The following MEIOB variants were observed in gnomAD, a reference collection of about 807,000 sequenced individuals.
The protein encoded by MEIOB is meiosis-specific with OB domain-containing protein.
Under a neutral mutation model 53.1 loss-of-function variants are expected in MEIOB, and 50 were observed. The ratio of observed to expected loss-of-function variants is 0.94; its 90% confidence interval spans 0.75 to 1.19. The LOEUF is 1.19. MEIOB is among the 50% of genes most tolerant of loss of function. MEIOB has a pLI of 0.00. For missense variants in MEIOB, 551 were observed against 550.8 expected (o/e 1.00, Z 0.00); for synonymous variants, 192 against 182.5 (o/e 1.05, Z -0.42).
At chr16:1,868,485 A>G (rs1011086872) in intron 1 of MEIOB, among the ~76,000 whole-genome samples, 6 of 152,086 alleles carry the variant, frequency 3.9e-5, no homozygotes, top group Non-Finnish European at 7.4e-5. Flanking sequence ...CCGAGATCGC[A>G]CTACTGCACT....
rs775787759 is a variant in MEIOB, at chr16:1,853,100, G to C, written c.717C>G (p.Asp239Glu). The change falls in exon 9 of 14, where the codon GAC (aspartate) becomes GAG (glutamate). Residue 239 changes from aspartate to glutamate, a missense_variant. Asp to Glu is a conservative substitution (Grantham distance 45). Coordinates refer to ENST00000325962, the MANE Select transcript of MEIOB (RefSeq NM_001163560.3). ...IFASDVRINF[D>E]KFRNCMTATV... ...TTGCTGTCATGCAGTTCCGAAATTT[G>C]TCAAAATTTATTCTTACATCTGAGG... 2 of 1,612,752 alleles carry C rather than the reference G, an allele frequency of 1.2e-6. No homozygotes were observed. The highest frequency in any genetic ancestry group is 2.2e-5 in the East Asian group (1 of 44,826).
At chr16:1,869,325 A>G in intron 1 of MEIOB, among the ~76,000 whole-genome samples, 1 of 151,146 alleles carries the variant, frequency 6.6e-6, no homozygotes, top group Non-Finnish European at 1.5e-5. Context: ...AGGTTTCACC[A>G]TGTTGGCCAG....
chr16:1,868,448 A>C (rs1899649574), intron 1 of MEIOB, among the ~76,000 whole-genome samples: 1 of 152,118 alleles, frequency 6.6e-6, no homozygotes, highest in African/African-American at 2.4e-5. Context: ...GAAGTGCTTG[A>C]ACCTGGGAGG....
chr16:1,844,717 G>T, intron 10 of MEIOB, 145 bp downstream of exon 10: 1 of 515,576 alleles, frequency 1.9e-6, no homozygotes, highest in Admixed American at 3.8e-5. Flanking sequence ...AGAAAAAGAT[G>T]CCCACTATTT....
intron 1 of MEIOB, among the ~76,000 whole-genome samples, chr16:1,869,894 C>T (rs1329345209): frequency 7.0e-4 from 12 of 17,114 alleles, no homozygotes; most frequent in South Asian, 1.5e-3. Context: ...TTTTTTGAGA[C>T]GGAGTCTCGC....
chr16:1,856,250 G>A (rs1041868496), intron 6 of MEIOB, among the ~76,000 whole-genome samples: 2 of 151,338 alleles, frequency 1.3e-5, no homozygotes, highest in African/African-American at 4.9e-5. Context: ...CCACCTTCCA[G>A]GTTCAAGTGA....
At chr16:1,851,914 T>C (rs556285420) in intron 9 of MEIOB, among the ~76,000 whole-genome samples, 3 of 152,304 alleles carry the variant, frequency 2.0e-5, no homozygotes, top group Admixed American at 6.5e-5. Context: ...TTGACGGTTA[T>C]GTCTGCACTA....
chr16:1,846,850 T>C (rs1206131879), intron 9 of MEIOB, among the ~76,000 whole-genome samples: 1 of 152,030 alleles, frequency 6.6e-6, no homozygotes, highest in Non-Finnish European at 1.5e-5. Flanking sequence ...AGCTAATGCA[T>C]GTGGGGCTTA....
In MEIOB at chr16:1,841,934, T is replaced by C; in HGVS notation, c.920A>G (p.Lys307Arg). The C allele has an allele frequency of 6.2e-7, 1 of 1,608,206 alleles. No homozygotes were observed. Among genetic ancestry groups the C allele is most frequent in the Admixed American group, 1.7e-5 (1 of 59,380 alleles). The change falls in exon 11 of 14, where the codon AAG becomes AGG. Residue 307 changes from lysine (K) to arginine (R), a missense_variant. Coordinates refer to ENST00000325962, the MANE Select transcript of MEIOB (RefSeq NM_001163560.3). ...TCCTTCATTCTTCAAAGCTTTTCCC[T>C]TTAATTGTTCAACTGTGTAGACATC... is the stretch of plus-strand genomic sequence containing the variant. ...IVDVYTVEQL[K>R]GKALKNEGKA...
At chr16:1,865,476 CACACACGTGTACACACAT>C (rs1567281907) in intron 3 of MEIOB, among the ~76,000 whole-genome samples, 631 of 6,748 alleles carry the variant, frequency 0.094, 5 homozygotes, top group African/African-American at 0.2. Flanking sequence ...TACATATATA[CACACACGTGTACACACAT>C]ACACACACAT....
chr16:1,854,957 C>T (rs1899263868), intron 6 of MEIOB, among the ~76,000 whole-genome samples: 1 of 152,134 alleles, frequency 6.6e-6, no homozygotes, highest in South Asian at 2.1e-4. Context: ...AGTCACTGGC[C>T]ACCCCCACCT....
chr16:1,855,981 A>G (rs904895083), intron 6 of MEIOB, among the ~76,000 whole-genome samples: 5 of 145,728 alleles, frequency 3.4e-5, no homozygotes, highest in Admixed American at 6.8e-5. Context: ...ATATTAAGAA[A>G]TTACTCTTGC....
chr16:1,837,886 A>G lies in MEIOB; in HGVS notation c.1219-16T>C, dbSNP rs900568344. 8.8e-6 allele frequency: 13 copies of G among 1,469,478 alleles called. No homozygotes were observed. The highest frequency in any genetic ancestry group is 1.2e-5 in the Non-Finnish European group (13 of 1,100,556). The allele number at this position is 1,469,478 out of a possible 1,614,324, so 91.0% of individuals were successfully genotyped here. On this transcript the variant is annotated splice_polypyrimidine_tract_variant and intron_variant, in intron 12 of 13. Coordinates refer to ENST00000325962, the MANE Select transcript of MEIOB (RefSeq NM_001163560.3). ...ACTCATGTACCTGGTTAAAAAAAAA[A>G]TATGAGACAAATATATTTGAAGTTT...
intron 9 of MEIOB, 88 bp downstream of exon 9, chr16:1,852,951 T>G: frequency 2.4e-6 from 2 of 829,498 alleles, no homozygotes; most frequent in South Asian, 4.0e-5. Context: ...AAATCCAGGC[T>G]GAATTTTCAT....
chr16:1,860,783 T>C (rs1899421867), intron 4 of MEIOB, among the ~76,000 whole-genome samples: 1 of 152,160 alleles, frequency 6.6e-6, no homozygotes, highest in African/African-American at 2.4e-5. Context: ...ATGACCCTAT[T>C]ATTCAACTAG....
At chr16:1,864,487 CTT>C (rs1475030667) in intron 3 of MEIOB, among the ~76,000 whole-genome samples, 2 of 113,298 alleles carry the variant, frequency 1.8e-5, no homozygotes, top group Admixed American at 8.6e-5. Context: ...TTTTTCTTTT[CTT>C]TTTTTTTTTT....
chr16:1,869,841 G>C (rs1473057130), intron 1 of MEIOB, among the ~76,000 whole-genome samples: 4 of 150,670 alleles, frequency 2.7e-5, no homozygotes, highest in African/African-American at 9.8e-5. Context: ...CTCATATTGA[G>C]CATTTGATTA....
chr16:1,862,903 C>T (rs955464352), intron 3 of MEIOB, among the ~76,000 whole-genome samples: 2 of 151,400 alleles, frequency 1.3e-5, no homozygotes, highest in Admixed American at 6.6e-5. Context: ...AAACTCTTGT[C>T]TCAAAAATAA....
intron 7 of MEIOB, 65 bp downstream of exon 7, chr16:1,854,035 A>C: frequency 1.1e-6 from 1 of 900,854 alleles, no homozygotes; most frequent in Non-Finnish European, 1.7e-6. Flanking sequence ...TATTTTTGAT[A>C]AAATGAAAAT....
Sources: gnomAD v4.1 joint callset for allele counts (sites outside exome capture counted in the v4.1 genomes callset) on GRCh38, gnomAD v4.1.1 for gene constraint, MANE v1.5 for transcripts, NCBI Gene and HGNC (gene_info 2026-07-23, HGNC 2026-07-21) for gene names.